Variants in MYO1D observed in about 807,000 individuals in gnomAD.
The protein encoded by MYO1D is myosin ID.
Under a neutral mutation model 122.0 loss-of-function variants are expected in MYO1D, and 83 were observed. The ratio of observed to expected loss-of-function variants is 0.68; its 90% CI spans 0.57 to 0.82. The LOEUF (loss-of-function observed/expected upper bound fraction) is 0.82, where lower values mean the gene tolerates loss of function less well. MYO1D is among the 40% of genes least tolerant of loss of function. The pLI is 0.00. For missense variants in MYO1D, 1,157 were observed against 1,269.5 expected (o/e 0.91, Z 1.35); for synonymous variants, 464 against 446.9 (o/e 1.04, Z -0.48).
intron 1 of MYO1D, among the ~76,000 whole-genome samples, chr17:32,863,943 C>T (rs1222457205): frequency 7.3e-6 from 1 of 137,334 alleles, no homozygotes; most frequent in African/African-American, 2.8e-5. Context: ...GAAATATTTC[C>T]TTTGCTCATT....
At chr17:32,615,554 G>C (rs2087760163) in intron 20 of MYO1D, among the ~76,000 whole-genome samples, 1 of 152,156 alleles carries the variant, frequency 6.6e-6, no homozygotes, top group Non-Finnish European at 1.5e-5. Flanking sequence ...ACATAAAGAA[G>C]CCTGCAATTG....
intron 14 of MYO1D, among the ~76,000 whole-genome samples, chr17:32,730,188 T>C (rs2089621362): frequency 6.6e-6 from 1 of 151,824 alleles, no homozygotes; most frequent in Non-Finnish European, 1.5e-5. Flanking sequence ...CTATTTTCAA[T>C]GATTATGTTA....
chr17:32,796,846 A>G (rs2090421097), intron 1 of MYO1D, among the ~76,000 whole-genome samples: 1 of 152,190 alleles, frequency 6.6e-6, no homozygotes, highest in Non-Finnish European at 1.5e-5. Context: ...CTTACATGGT[A>G]CTGAGGTATT....
intron 16 of MYO1D, among the ~76,000 whole-genome samples, chr17:32,677,583 AT>A (rs1218631255): frequency 0.053 from 292 of 5,532 alleles, no homozygotes; most frequent in African/African-American, 0.087. Flanking sequence ...ATAGATAAAT[AT>A]ATATATATAT....
chr17:32,763,218 C>T (rs1940258353), intron 8 of MYO1D, among the ~76,000 whole-genome samples: 2 of 151,600 alleles, frequency 1.3e-5, no homozygotes, highest in African/African-American at 4.9e-5. Flanking sequence ...GATGTCATTG[C>T]CCCTCCTTAA....
Position 32,712,081 on chromosome 17 carries a change from C to T in MYO1D, c.2028G>A (p.Lys676=), listed in dbSNP as rs147907960. 6.8e-5 allele frequency: 110 copies of T among 1,613,976 alleles called. No homozygotes were observed. The highest frequency in any genetic ancestry group is 3.3e-4 in the Middle Eastern group (2 of 6,084). ...CGFQDDVAYG[K]TKIFIRTPRT... ...GGGGTGTTCGAATGAAAATTTTGGTCTTCCCATAAGCTACATCATCCTGAA... is the reference window on the plus strand; with the variant it reads ...GGGGTGTTCGAATGAAAATTTTGGTTTTCCCATAAGCTACATCATCCTGAA... Residue 676 remains lysine, a synonymous_variant, in exon 16 of 22, where the codon AAG becomes AAA. Coordinates refer to ENST00000318217, the MANE Select transcript of MYO1D (RefSeq NM_015194.3).
rs2091047358 is a variant in MYO1D, at chr17:32,858,763, T to C, written c.95+18015A>G. On this transcript the variant is annotated intron_variant, in intron 1 of 21. Coordinates refer to ENST00000318217, the MANE Select transcript of MYO1D (RefSeq NM_015194.3). ...GAACATTTTGTAGGGAGATACTAAG[T>C]AAATATCCCATTCCTCATCAAACTT... 3.3e-5 allele frequency among the ~76,000 whole-genome samples: 5 copies of C among 152,236 alleles called. No individual in the cohort carries two copies. In the South Asian group the frequency reaches 1.0e-3, roughly 32 times the overall value.
chr17:32,551,697 C>T (rs2087016493), intron 21 of MYO1D, among the ~76,000 whole-genome samples: 1 of 152,146 alleles, frequency 6.6e-6, no homozygotes, highest in African/African-American at 2.4e-5. Context: ...CGAGAACACA[C>T]CAATCAGCAC....
intron 21 of MYO1D, among the ~76,000 whole-genome samples, chr17:32,513,153 G>C (rs936984119): frequency 5.3e-5 from 8 of 152,202 alleles, no homozygotes; most frequent in African/African-American, 1.9e-4. Context: ...GTGGTATACA[G>C]TAGGTGCTTA....
intron 1 of MYO1D, among the ~76,000 whole-genome samples, chr17:32,809,445 T>A (rs2090550049): frequency 6.6e-6 from 1 of 150,824 alleles, no homozygotes. Flanking sequence ...TTTTTTTTTT[T>A]TTTCTTTTTC....
intron 16 of MYO1D, among the ~76,000 whole-genome samples, chr17:32,660,773 C>G (rs572779113): frequency 6.6e-5 from 10 of 152,200 alleles, no homozygotes; most frequent in Non-Finnish European, 1.5e-4. Context: ...CAAAATGGCT[C>G]CCTTCCTTGT....
intron 21 of MYO1D, among the ~76,000 whole-genome samples, chr17:32,535,617 G>C (rs1910640015): frequency 6.6e-6 from 1 of 152,150 alleles, no homozygotes; most frequent in Non-Finnish European, 1.5e-5. Context: ...TGGGTGTGGT[G>C]GTGGGCACCT....
intron 1 of MYO1D, among the ~76,000 whole-genome samples, chr17:32,847,594 A>C (rs918714572): frequency 5.3e-5 from 8 of 152,170 alleles, no homozygotes; most frequent in African/African-American, 1.9e-4. Flanking sequence ...AGCTCATTGC[A>C]ATCTCCACCT....
At chr17:32,848,605 G>A (rs2090958573) in intron 1 of MYO1D, among the ~76,000 whole-genome samples, 1 of 152,174 alleles carries the variant, frequency 6.6e-6, no homozygotes, top group Non-Finnish European at 1.5e-5. Context: ...GGCTTGAGGA[G>A]TTGCCATACT....
chr17:32,863,520 G>A (rs960568087), intron 1 of MYO1D, among the ~76,000 whole-genome samples: 1 of 152,186 alleles, frequency 6.6e-6, no homozygotes, highest in Non-Finnish European at 1.5e-5. Context: ...GGAATTCACG[G>A]GGAGGCACAC....
At chr17:32,805,997 G>A (rs183815923) in intron 1 of MYO1D, among the ~76,000 whole-genome samples, 22 of 152,298 alleles carry the variant, frequency 1.4e-4, no homozygotes, top group Admixed American at 1.2e-3. Context: ...AGTGGCTCAC[G>A]CCTGTAATCC....
intron 20 of MYO1D, among the ~76,000 whole-genome samples, chr17:32,612,482 T>C (rs1364056048): frequency 1.3e-5 from 2 of 151,156 alleles, no homozygotes; most frequent in African/African-American, 2.4e-5. Context: ...AGGCCGGGAG[T>C]TCATGACCAG....
chr17:32,804,689 C>T (rs1357563759), intron 1 of MYO1D, among the ~76,000 whole-genome samples: 1 of 152,084 alleles, frequency 6.6e-6, no homozygotes, highest in Non-Finnish European at 1.5e-5. Flanking sequence ...TGTTTATATT[C>T]TCTAATAGTT....
chr17:32,579,690 T>C (rs1420466030), intron 21 of MYO1D, among the ~76,000 whole-genome samples: 3 of 152,184 alleles, frequency 2.0e-5, no homozygotes, highest in African/African-American at 2.4e-5. Flanking sequence ...ATCCCAACAA[T>C]GACTGACCTA....
Sources: allele counts gnomAD v4.1 joint callset (sites outside exome capture counted in the v4.1 genomes callset), GRCh38; gene constraint gnomAD v4.1.1; transcripts MANE v1.5; gene names NCBI Gene and HGNC (gene_info 2026-07-23, HGNC 2026-07-21).